C8B: variants seen among roughly 807,000 people sequenced by gnomAD.
The protein encoded by C8B is complement C8 beta chain.
A neutral mutation model predicts 64.6 loss-of-function variants in C8B; 67 were observed. The observed-to-expected ratio is 1.04, with a 90% CI of 0.85 to 1.27. C8B has a LOEUF of 1.27. Ranked by LOEUF, C8B falls within the 50% of genes most tolerant of loss-of-function variation. The pLI is 0.00. For synonymous variants in C8B, 284 were observed against 257.7 expected (o/e 1.10, Z -0.98); for missense variants, 790 against 725.2 (o/e 1.09, Z -1.03).
chr1:56,941,294 G>T (rs1318917886), intron 8 of C8B, among the ~76,000 whole-genome samples: 1 of 152,132 alleles, frequency 6.6e-6, no homozygotes, highest in African/African-American at 2.4e-5. Context: ...GAAGATAGAT[G>T]ATAGCTAGAT....
chr1:56,964,063 G>T, intron 1 of C8B: 3 of 962,808 alleles, frequency 3.1e-6, no homozygotes, highest in East Asian at 1.2e-4. Flanking sequence ...TTCAGGTAAG[G>T]GTTTGAAAAC....
intron 4 of C8B, among the ~76,000 whole-genome samples, chr1:56,952,533 C>T (rs1459182829): frequency 6.6e-6 from 1 of 152,216 alleles, no homozygotes; most frequent in Non-Finnish European, 1.5e-5. Flanking sequence ...TCCACTGACA[C>T]TTGTGGTGCT....
chr1:56,948,558 G>C (rs756285235), intron 6 of C8B, among the ~76,000 whole-genome samples: 8 of 152,142 alleles, frequency 5.3e-5, no homozygotes, highest in Admixed American at 1.3e-4. Flanking sequence ...TAACCAAGAG[G>C]TTAGAAGCAG....
chr1:56,965,962 C>A lies in C8B; in HGVS notation c.-14G>T. 2 of 1,613,520 alleles carry A rather than the reference C, an allele frequency of 1.2e-6. No homozygotes were observed. Among genetic ancestry groups the A allele is most frequent in the Non-Finnish European group, 1.7e-6 (2 of 1,180,004 alleles). ...GGAATTCTTCATTTTCCCAATGTGA[C>A]AGGAGATGCCACAGAGGCTGCTAGA... is the stretch of plus-strand genomic sequence containing the variant. On this transcript the variant is annotated 5_prime_UTR_variant, in exon 1 of 12. Coordinates refer to ENST00000371237, the MANE Select transcript of C8B (RefSeq NM_000066.4).
chr1:56,940,929 A>G lies in C8B; in HGVS notation c.1318T>C (p.Tyr440His). The change falls in exon 9 of 12, where the codon TAC (tyrosine) becomes CAC (histidine). Residue 440 changes from tyrosine (Y) to histidine (H), a missense_variant. By Grantham distance (83) the Tyr-to-His change is moderately conservative. Transcript: ENST00000371237. ...GASEHITTLA[Y>H]QELPTADLMQ... The stretch of plus-strand genomic sequence containing the variant: ...AGGTCCGCCGTCGGCAGCTCCTGGT[A>G]TGCCAGGGTGGTGATGTGCTCACTT... 1 of 1,614,044 alleles carries G rather than the reference A, an allele frequency of 6.2e-7. No homozygotes were observed. Among genetic ancestry groups the G allele is most frequent in the South Asian group, 1.1e-5 (1 of 91,064 alleles).
At chr1:56,956,993 G>T in intron 2 of C8B, 83 bp from the exon 3 acceptor site, 2 of 1,524,200 alleles carry the variant, frequency 1.3e-6, no homozygotes, top group Non-Finnish European at 1.8e-6. Context: ...AATGGGTCTT[G>T]AGCCAGGATT....
chr1:56,949,788 T>C (rs1291694390), intron 5 of C8B, 36 bp from the exon 6 acceptor site: 2 of 1,472,484 alleles, frequency 1.4e-6, no homozygotes. Context: ...TTTATTTCAT[T>C]TGACTCAAAT....
intron 8 of C8B, among the ~76,000 whole-genome samples, chr1:56,943,110 A>C (rs1243057612): frequency 2.0e-5 from 3 of 151,860 alleles, no homozygotes; most frequent in Non-Finnish European, 2.9e-5. Context: ...ATAAATAAAA[A>C]AAAGCTGGGG....
chr1:56,943,961 T>C, intron 7 of C8B, 137 bp from the exon 8 acceptor site: 1 of 943,612 alleles, frequency 1.1e-6, no homozygotes, highest in Non-Finnish European at 1.6e-6. Flanking sequence ...ACCAGCCTGA[T>C]AACAAGAAAT....
chr1:56,931,771 C>A lies in C8B; in HGVS notation c.1621+39G>T, dbSNP rs77834309. 7.4e-3 allele frequency: 10,393 copies of A among 1,411,534 alleles called. 545 individuals are homozygous for A. In the African/African-American group the frequency reaches 0.12, roughly 17 times the overall value. 87.4% of individuals were successfully genotyped at this position (1,411,534 alleles called of 1,614,324 possible). A position where few individuals can be genotyped will look rare whatever the true frequency, so the allele number is the denominator to read the frequency against. ...CTTGCTCTTCTTCTGGTGAATTATT[C>A]TCTGGACCTCCCCAGAGTTCCTTTT... On this transcript the variant is annotated intron_variant, in intron 11 of 11. Coordinates refer to ENST00000371237, the MANE Select transcript of C8B (RefSeq NM_000066.4).
chr1:56,959,959 C>A, intron 2 of C8B, 61 bp downstream of exon 2: 1 of 1,595,370 alleles, frequency 6.3e-7, no homozygotes, highest in Non-Finnish European at 8.6e-7. Context: ...ATGGCTCAGC[C>A]GATCTTGCTG....
intron 6 of C8B, among the ~76,000 whole-genome samples, chr1:56,948,897 A>G (rs916823618): frequency 3.9e-5 from 6 of 152,188 alleles, no homozygotes; most frequent in Non-Finnish European, 5.9e-5. Flanking sequence ...CTGGTCTTCA[A>G]AGCTACATCT....
At chr1:56,943,472 T>C (rs1644894464) in intron 8 of C8B, among the ~76,000 whole-genome samples, 1 of 152,228 alleles carries the variant, frequency 6.6e-6, no homozygotes, top group Non-Finnish European at 1.5e-5. Flanking sequence ...AACACAGGAC[T>C]GGAAGGATTA....
rs759561922 is a variant in C8B, at chr1:56,943,690, A to G, written c.1234+6T>C. The G allele has an allele frequency of 1.3e-4, 202 of 1,613,862 alleles. No individual in the cohort carries two copies. Among genetic ancestry groups the G allele is most frequent in the Admixed American group, 5.8e-4 (35 of 59,994 alleles). Reference sequence around the variant, plus strand: ...AGTGTGGAAGTCACAAGCCCCTGTCACTCACCTTTTATTTCATTCAGAATA... The same window carrying G: ...AGTGTGGAAGTCACAAGCCCCTGTCGCTCACCTTTTATTTCATTCAGAATA... On this transcript the variant is annotated splice_donor_region_variant and intron_variant, in intron 8 of 11. Transcript: ENST00000371237.
chr1:56,953,238 C>T (rs1366616191), intron 4 of C8B, among the ~76,000 whole-genome samples: 4 of 152,340 alleles, frequency 2.6e-5, no homozygotes, highest in East Asian at 1.9e-4. Context: ...GTCTCTGTCT[C>T]CTATCAGCTT....
chr1:56,936,008 T>C (rs1644770082), intron 9 of C8B, among the ~76,000 whole-genome samples: 2 of 152,380 alleles, frequency 1.3e-5, no homozygotes, highest in African/African-American at 2.4e-5. Context: ...TATCCTTCTA[T>C]ATGGATGAGC....
At chr1:56,959,166 G>A (rs766211860) in intron 2 of C8B, among the ~76,000 whole-genome samples, 17 of 152,308 alleles carry the variant, frequency 1.1e-4, no homozygotes, top group Non-Finnish European at 1.6e-4. Context: ...TTAACAGAAA[G>A]TGTAACAACA....
At position 56,943,958 on chromosome 1, in the gene C8B, T is replaced by G. The variant is rs1036364679; in HGVS notation, c.1106-134A>C. 10 of 969,900 alleles carry G rather than the reference T, an allele frequency of 1.0e-5. No individual in the cohort carries two copies. The African/African-American group carries it at 1.5e-4, about 14-fold the overall frequency. 60.1% of individuals were successfully genotyped at this position (969,900 alleles called of 1,614,324 possible). The stretch of plus-strand genomic sequence containing the variant: ...GGTTCAAATAAATAGGTCACCAGCC[T>G]GATAACAAGAAATGTAGGCAGCAAA... On this transcript the variant is annotated intron_variant, in intron 7 of 11. Transcript: ENST00000371237.
chr1:56,937,849 CCCATTAATGA>C (rs1253721687), intron 9 of C8B, among the ~76,000 whole-genome samples: 9 of 152,156 alleles, frequency 5.9e-5, no homozygotes, highest in Non-Finnish European at 8.8e-5. Flanking sequence ...GAATTCTTCA[CCCATTAATGA>C]CCATTTCACT....
Sources: gnomAD v4.1 joint callset for allele counts (sites outside exome capture counted in the v4.1 genomes callset) on GRCh38, gnomAD v4.1.1 for gene constraint, MANE v1.5 for transcripts, NCBI Gene and HGNC (gene_info 2026-07-23, HGNC 2026-07-21) for gene names.